BPIFB6: variants seen among roughly 807,000 people sequenced by gnomAD.
BPIFB6 encodes the protein BPI fold containing family B member 6.
Under a neutral mutation model 54.7 loss-of-function variants are expected in BPIFB6, and 47 were observed. The ratio of observed to expected loss-of-function variants is 0.86; its 90% CI spans 0.68 to 1.10. The LOEUF (loss-of-function observed/expected upper bound fraction) is 1.10, where lower values mean the gene tolerates loss of function less well. Ranked by LOEUF, BPIFB6 falls within the 50% of genes least tolerant of loss-of-function variation. The probability of loss-of-function intolerance (pLI) is 0.00; values close to 1 mark genes in which losing one functional copy is unlikely to be tolerated. For missense variants in BPIFB6, 603 were observed against 564.1 expected (o/e 1.07, Z -0.70); for synonymous variants, 255 against 225.9 (o/e 1.13, Z -1.16).
rs1035199212 is a variant in BPIFB6, at chr20:33,038,822, G to C, written c.847-87G>C. The C allele has an allele frequency of 4.7e-6, 6 of 1,288,262 alleles. No individual in the cohort carries two copies. In the African/African-American group the frequency reaches 8.8e-5, roughly 19 times the overall value. 79.8% of individuals were successfully genotyped at this position (1,288,262 alleles called of 1,614,324 possible). On this transcript the variant is annotated intron_variant, in intron 8 of 14. Transcript: ENST00000349552. ...TATTGTGATGAAGGGAGCCTCAAAG[G>C]GTACACCTTGTTAAGTCAGTGGAGA... is the stretch of plus-strand genomic sequence containing the variant.
rs751844759 is a variant in BPIFB6, at chr20:33,038,955, T to C, written c.893T>C (p.Ile298Thr). The change falls in exon 9 of 15, where the codon ATT (isoleucine) becomes ACT (threonine). Residue 298 changes from isoleucine to threonine, a missense_variant. Ile to Thr is a moderately conservative substitution (Grantham distance 89, BLOSUM62 -1). Coordinates refer to ENST00000349552, the MANE Select transcript of BPIFB6 (RefSeq NM_174897.2). ...PQTTKTLARF[I>T]PEVAVAYPKS... ...ACCACCAAGACCCTGGCTCGCTTCA[T>C]TCCTGAAGTGAGTGCCCCACCTCCC... 1.7e-5 allele frequency: 27 copies of C among 1,613,908 alleles called. No homozygotes were observed. The highest frequency in any genetic ancestry group is 1.6e-4 in the Middle Eastern group (1 of 6,084).
Position 33,035,136 on chromosome 20 carries a change from C to T in BPIFB6, c.508C>T (p.Pro170Ser). The T allele has an allele frequency of 6.2e-7, 1 of 1,613,870 alleles. No homozygotes were observed. The change falls in exon 5 of 15, where the codon CCT becomes TCT. Residue 170 changes from proline (P) to serine (S), a missense_variant. Physicochemically the swap from Pro to Ser is moderately conservative, Grantham distance 74 (BLOSUM62 -1). Coordinates refer to ENST00000349552, the MANE Select transcript of BPIFB6 (RefSeq NM_174897.2). ...FLDSTLHKVL[P>S]GLMCPAIDAV... ...GGACAGCACCCTGCACAAAGTCCTCCCTGGGCTGGTGAGTGACCCAGAGAA... is the reference window on the plus strand; with the variant it reads ...GGACAGCACCCTGCACAAAGTCCTCTCTGGGCTGGTGAGTGACCCAGAGAA...
intron 12 of BPIFB6, 22 bp downstream of exon 12, chr20:33,042,037 G>T (rs1568988109): frequency 6.2e-7 from 1 of 1,610,848 alleles, no homozygotes; most frequent in East Asian, 2.2e-5. Flanking sequence ...AAGTGCTCTT[G>T]CCTGTCCGGC....
At chr20:33,043,449 C>T (rs1979677346) in intron 14 of BPIFB6, 82 bp downstream of exon 14, 1 of 1,350,404 alleles carries the variant, frequency 7.4e-7, no homozygotes, top group Non-Finnish European at 1.1e-6. Flanking sequence ...CTCTCTCAAA[C>T]TGGAAAGGGT....
intron 9 of BPIFB6, 68 bp from the exon 10 acceptor site, chr20:33,039,279 A>AC: frequency 6.8e-7 from 1 of 1,461,974 alleles, no homozygotes; most frequent in African/African-American, 1.4e-5. Context: ...GTCTTGAGGG[A>AC]CCCCTTATTT....
In BPIFB6 at chr20:33,040,294, T is replaced by A. The variant is rs73904431; in HGVS notation, c.1118T>A (p.Leu373Gln). Residue 373 changes from leucine (L) to glutamine (Q), a missense_variant, in exon 11 of 15, where the codon CTG becomes CAG. Physicochemically the swap from Leu to Gln is moderately radical, Grantham distance 113 (BLOSUM62 -2). Coordinates refer to ENST00000349552, the MANE Select transcript of BPIFB6 (RefSeq NM_174897.2). The part of the protein sequence containing the change: ...KVQYSVHENQ[L>Q]QMATSLDRLL... ...CAGTACTCAGTGCATGAGAACCAGC[T>A]GCAGATGGCCACTTCTTTGGACAGG... is the stretch of plus-strand genomic sequence containing the variant. The A allele has an allele frequency of 7.5e-3, 12,075 of 1,614,038 alleles. 821 individuals are homozygous for A. The African/African-American group carries it at 0.14, about 19-fold the overall frequency.
At chr20:33,036,601 C>G (rs537260961) in intron 7 of BPIFB6, 65 bp downstream of exon 7, 2 of 1,434,704 alleles carry the variant, frequency 1.4e-6, no homozygotes, top group African/African-American at 2.8e-5. Flanking sequence ...GTGGGTGATG[C>G]TTCTGCCAGG....
rs1263120264 is a variant in BPIFB6 at position 33,035,597 on chromosome 20, C to T, written c.517-15C>T. On this transcript the variant is annotated splice_polypyrimidine_tract_variant and intron_variant, in intron 5 of 14. Coordinates refer to ENST00000349552, the MANE Select transcript of BPIFB6 (RefSeq NM_174897.2). ...TGCAGGGACCCTCTCAGCCCAGTGC[C>T]TTCTCTGCTTCCAGATGTGTCCCGC... 6.2e-7 allele frequency: 1 copy of T among 1,614,146 alleles called. No homozygotes were observed. The highest frequency in any genetic ancestry group is 1.1e-5 in the South Asian group (1 of 91,080).
Position 33,037,546 on chromosome 20 carries a change from T to C in BPIFB6, c.670-16T>C, listed in dbSNP as rs1201312407. On this transcript the variant is annotated splice_polypyrimidine_tract_variant and intron_variant, in intron 7 of 14. Transcript: ENST00000349552. ...TCTCGGCCAAGGCTGAGTGTCTCCC[T>C]CCTGCTGCCCCATAGCCTGTGGTGC... 3.8e-6 allele frequency: 6 copies of C among 1,594,312 alleles called. No homozygotes were observed. Among genetic ancestry groups the C allele is most frequent in the Non-Finnish European group, 1.7e-6 (2 of 1,166,746 alleles).
chr20:33,036,511 C>A lies in BPIFB6; in HGVS notation c.644C>A (p.Ala215Asp), dbSNP rs1171091232. The change falls in exon 7 of 15, where the codon GCC becomes GAC. Residue 215 changes from alanine (A) to aspartate (D), a missense_variant. Coordinates refer to ENST00000349552, the MANE Select transcript of BPIFB6 (RefSeq NM_174897.2). The stretch of plus-strand genomic sequence containing the variant: ...CTGATGTCCGCACCAGCCACCACAG[C>A]CAGCTACATCCAACTGGACTTCAGT... ...YVLMSAPATT[A>D]SYIQLDFSPV... The A allele has an allele frequency of 6.2e-7, 1 of 1,614,202 alleles. No individual in the cohort carries two copies. Among genetic ancestry groups the A allele is most frequent in the Admixed American group, 1.7e-5 (1 of 60,030 alleles).
intron 4 of BPIFB6, 25 bp downstream of exon 4, chr20:33,034,937 G>C: frequency 6.2e-7 from 1 of 1,605,924 alleles, no homozygotes; most frequent in Non-Finnish European, 8.5e-7. Flanking sequence ...GGCTGGGGAG[G>C]AAGGCCGGTC....
Position 33,037,630 on chromosome 20 carries a change from T to C in BPIFB6, c.738T>C (p.Pro246=). The change falls in exon 8 of 15, where the codon CCT becomes CCC. Residue 246 remains proline, a synonymous_variant. Transcript: ENST00000349552. ...LADAGEALTF[P]EGYAKGSSQL... The stretch of plus-strand genomic sequence containing the variant: ...ATGCCGGGGAGGCCCTCACGTTCCC[T>C]GAGGGTTATGCCAAAGGCTCGTCGC... The C allele has an allele frequency of 5.0e-6, 8 of 1,614,142 alleles. No individual in the cohort carries two copies. The highest frequency in any genetic ancestry group is 6.8e-6 in the Non-Finnish European group (8 of 1,180,024).
At chr20:33,042,364 C>T (rs1331300285) in intron 12 of BPIFB6, among the ~76,000 whole-genome samples, 3 of 152,220 alleles carry the variant, frequency 2.0e-5, no homozygotes, top group African/African-American at 7.2e-5. Flanking sequence ...GGTGCCAACA[C>T]CACCACCACT....
chr20:33,033,191 G>A lies in BPIFB6; in HGVS notation c.197+108G>A, dbSNP rs1382163708. The A allele has an allele frequency of 1.5e-4, 126 of 848,990 alleles. No homozygotes were observed. In the East Asian group the frequency reaches 3.2e-3, roughly 22 times the overall value. The allele number at this position is 848,990 out of a possible 1,614,324, so 52.6% of individuals were successfully genotyped here. A position where few individuals can be genotyped will look rare whatever the true frequency, so the allele number is the denominator to read the frequency against. On this transcript the variant is annotated intron_variant, in intron 2 of 14. Coordinates refer to ENST00000349552, the MANE Select transcript of BPIFB6 (RefSeq NM_174897.2). ...GGTAATGGAGCTGGTGAGGGATGTG[G>A]GGTCTCTTCCCTGCCTTGTGCTGTC...
intron 8 of BPIFB6, among the ~76,000 whole-genome samples, chr20:33,038,139 G>A (rs541986999): frequency 6.6e-6 from 1 of 152,064 alleles, no homozygotes; most frequent in Non-Finnish European, 1.5e-5. Flanking sequence ...CTACTACAAA[G>A]TCTGATACTG....
intron 8 of BPIFB6, among the ~76,000 whole-genome samples, chr20:33,038,122 A>G (rs141248236): frequency 1.1e-4 from 16 of 152,210 alleles, no homozygotes; most frequent in Admixed American, 5.9e-4. Context: ...TATCATCCAC[A>G]TAACACCTAC....
At chr20:33,041,675 A>G (rs1979592546) in intron 11 of BPIFB6, among the ~76,000 whole-genome samples, 1 of 152,188 alleles carries the variant, frequency 6.6e-6, no homozygotes. Flanking sequence ...AAACCTCTGC[A>G]TAGCTGGCCT....
At chr20:33,039,554 C>G (rs1217191214) in intron 10 of BPIFB6, 34 bp downstream of exon 10, 1 of 1,583,294 alleles carries the variant, frequency 6.3e-7, no homozygotes, top group Non-Finnish European at 8.6e-7. Flanking sequence ...CATTTATTCC[C>G]AATCTCTTGG....
chr20:33,035,975 A>G (rs1317033764), intron 6 of BPIFB6, among the ~76,000 whole-genome samples: 1 of 152,148 alleles, frequency 6.6e-6, no homozygotes, highest in Non-Finnish European at 1.5e-5. Context: ...TCCCGATGGT[A>G]GTAATGCCTG....
Sources: allele counts gnomAD v4.1 joint callset (sites outside exome capture counted in the v4.1 genomes callset), GRCh38; gene constraint gnomAD v4.1.1; transcripts MANE v1.5; gene names NCBI Gene and HGNC (gene_info 2026-07-23, HGNC 2026-07-21).